The following EPHA5 variants were observed in gnomAD, a reference collection of about 807,000 sequenced individuals.
EPHA5 encodes the protein EPH receptor A5.
A neutral mutation model predicts 105.0 loss-of-function variants in EPHA5; 60 were observed. The ratio of observed to expected loss-of-function variants is 0.57; its 90% CI spans 0.46 to 0.71. The LOEUF (loss-of-function observed/expected upper bound fraction) is 0.71, where lower values mean the gene tolerates loss of function less well. EPHA5 is among the 30% of genes least tolerant of loss of function. The pLI, the probability that EPHA5 is intolerant of heterozygous loss-of-function variation, is 0.00. For missense variants in EPHA5, 1,218 were observed against 1,274.7 expected, an observed-to-expected ratio of 0.96 and a Z score of 0.68; for synonymous variants, 513 against 449.1, an observed-to-expected ratio of 1.14 and a Z score of -1.80.
intron 1 of EPHA5, among the ~76,000 whole-genome samples, chr4:65,644,449 C>T (rs746045415): frequency 2.6e-5 from 4 of 151,990 alleles, no homozygotes; most frequent in South Asian, 2.1e-4. Flanking sequence ...AAGGGAAACA[C>T]GTGAGTTATT....
In EPHA5 at chr4:65,323,425, T is replaced by C. The variant is rs948622889; in HGVS notation, c.*689A>G. The C allele has an allele frequency of 1.3e-5, 3 of 229,960 alleles. No individual in the cohort carries two copies. The highest frequency in any genetic ancestry group is 1.7e-5 in the Non-Finnish European group (2 of 116,014). 14.2% of individuals were successfully genotyped at this position (229,960 alleles called of 1,614,324 possible). ...CATCTTAAATCAGTTCCTGGGTATA[T>C]TGCAAATTATACAGTATATACACAT... On this transcript the variant is annotated 3_prime_UTR_variant, in exon 17 of 17. Coordinates refer to ENST00000613740, the MANE Select transcript of EPHA5 (RefSeq NM_001281766.3).
chr4:65,640,939 A>G (rs1024036046), intron 2 of EPHA5, among the ~76,000 whole-genome samples: 1 of 152,152 alleles, frequency 6.6e-6, no homozygotes, highest in African/African-American at 2.4e-5. Flanking sequence ...CTGGTTGGCA[A>G]GCCTATTGTT....
intron 3 of EPHA5, among the ~76,000 whole-genome samples, chr4:65,562,437 T>G (rs1379378531): frequency 6.6e-6 from 1 of 152,036 alleles, no homozygotes; most frequent in Non-Finnish European, 1.5e-5. Flanking sequence ...CCTCATGTTT[T>G]AGGGGAAAAA....
intron 2 of EPHA5, among the ~76,000 whole-genome samples, chr4:65,636,336 T>C (rs1747116847): frequency 6.6e-6 from 1 of 152,136 alleles, no homozygotes; most frequent in Non-Finnish European, 1.5e-5. Flanking sequence ...TGGACTCTTG[T>C]AGGTATAAAG....
intron 2 of EPHA5, among the ~76,000 whole-genome samples, chr4:65,634,731 T>A (rs1468206090): frequency 6.6e-6 from 1 of 152,034 alleles, no homozygotes; most frequent in African/African-American, 2.4e-5. Flanking sequence ...CTTTTCTATA[T>A]CCACTAATGT....
intron 3 of EPHA5, among the ~76,000 whole-genome samples, chr4:65,589,284 T>G (rs1742413529): frequency 2.0e-5 from 3 of 152,102 alleles, no homozygotes; most frequent in African/African-American, 7.2e-5. Flanking sequence ...AAACAAATTC[T>G]TATTCTGAAT....
At chr4:65,631,555 T>C (rs1746631632) in intron 2 of EPHA5, among the ~76,000 whole-genome samples, 1 of 152,092 alleles carries the variant, frequency 6.6e-6, no homozygotes, top group African/African-American at 2.4e-5. Flanking sequence ...CCACTCCTGC[T>C]GTAACATTTG....
intron 1 of EPHA5, among the ~76,000 whole-genome samples, chr4:65,657,766 T>C (rs909123714): frequency 3.9e-5 from 6 of 152,020 alleles, no homozygotes; most frequent in Admixed American, 3.3e-4. Context: ...ATAATATTCG[T>C]TCACTAAACA....
At chr4:65,608,751 G>A (rs1443538989) in intron 2 of EPHA5, among the ~76,000 whole-genome samples, 1 of 152,146 alleles carries the variant, frequency 6.6e-6, no homozygotes, top group African/African-American at 2.4e-5. Context: ...ATGCATGCAT[G>A]ACATAATTAT....
At chr4:65,569,864 G>A (rs1739939321) in intron 3 of EPHA5, among the ~76,000 whole-genome samples, 1 of 151,434 alleles carries the variant, frequency 6.6e-6, no homozygotes, top group Non-Finnish European at 1.5e-5. Context: ...CTCCATTTCT[G>A]GAAATAAAAG....
At position 65,579,361 on chromosome 4, in the gene EPHA5, TATATATATATATATAA is replaced by T. The variant is rs1458915870; in HGVS notation, c.910+22264_910+22279del. Among the ~76,000 whole-genome samples, 8 of 145,968 alleles carry T rather than the reference TATATATATATATATAA, an allele frequency of 5.5e-5. No individual in the cohort carries two copies. The South Asian group carries it at 1.7e-3, about 31-fold the overall frequency. The stretch of plus-strand genomic sequence containing the variant: ...GTAAATATATATATGTATGTGTGTA[TATATATATATATATAA>T]ATATATATATATAAAATATTTATTC... On this transcript the variant is annotated intron_variant, in intron 3 of 16. Coordinates refer to ENST00000613740, the MANE Select transcript of EPHA5 (RefSeq NM_001281766.3).
intron 3 of EPHA5, among the ~76,000 whole-genome samples, chr4:65,601,193 A>T (rs534684549): frequency 1.3e-5 from 2 of 152,336 alleles, no homozygotes; most frequent in African/African-American, 4.8e-5. Flanking sequence ...TTTCTGAAGA[A>T]TTTTTAAAAG....
intron 5 of EPHA5, among the ~76,000 whole-genome samples, chr4:65,420,862 T>A (rs1302962489): frequency 2.0e-5 from 3 of 152,126 alleles, no homozygotes; most frequent in African/African-American, 7.2e-5. Context: ...ATATTCCTGA[T>A]TATTTTATGT....
chr4:65,534,804 A>G lies in EPHA5; in HGVS notation c.911-39261T>C, dbSNP rs140808038. Among the ~76,000 whole-genome samples the G allele has an allele frequency of 2.5e-3, 387 of 152,358 alleles. 1 individual carries two copies. Among genetic ancestry groups the G allele is most frequent in the African/African-American group, 8.5e-3 (352 of 41,590 alleles). On this transcript the variant is annotated intron_variant, in intron 3 of 16. Coordinates refer to ENST00000613740, the MANE Select transcript of EPHA5 (RefSeq NM_001281766.3). ...TCTAGATGAGAGAAACACTGCATCA[A>G]ATACAACAAAACATGCTTAAATGGA...
chr4:65,475,562 T>C (rs1243136275), intron 5 of EPHA5, among the ~76,000 whole-genome samples: 1 of 152,088 alleles, frequency 6.6e-6, no homozygotes, highest in Non-Finnish European at 1.5e-5. Flanking sequence ...CTAGGAATAG[T>C]AATAAAGGGG....
At chr4:65,665,222 G>C (rs141518678) in intron 1 of EPHA5, among the ~76,000 whole-genome samples, 7 of 151,684 alleles carry the variant, frequency 4.6e-5, no homozygotes, top group Non-Finnish European at 1.0e-4. Context: ...AAGGTAGAAA[G>C]GTTTCTACCA....
intron 11 of EPHA5, among the ~76,000 whole-genome samples, chr4:65,356,781 T>A (rs2148869205): frequency 6.6e-6 from 1 of 151,668 alleles, no homozygotes; most frequent in South Asian, 2.1e-4. Context: ...TTAATGCTAA[T>A]TACATTTAGT....
intron 1 of EPHA5, among the ~76,000 whole-genome samples, chr4:65,648,826 C>T (rs1748351701): frequency 6.6e-6 from 1 of 152,184 alleles, no homozygotes; most frequent in African/African-American, 2.4e-5. Flanking sequence ...TCTCCATGGT[C>T]CCATTCAGCA....
At chr4:65,417,404 T>TA (rs1483410744) in intron 6 of EPHA5, among the ~76,000 whole-genome samples, 1 of 152,178 alleles carries the variant, frequency 6.6e-6, no homozygotes, top group East Asian at 1.9e-4. Context: ...TGAAAGTCTT[T>TA]AAAAAATCTT....
Sources: allele counts gnomAD v4.1 joint callset (sites outside exome capture counted in the v4.1 genomes callset), GRCh38; gene constraint gnomAD v4.1.1; transcripts MANE v1.5; gene names NCBI Gene and HGNC (gene_info 2026-07-23, HGNC 2026-07-21).